Variants in ANKHD1 observed in about 807,000 individuals in gnomAD.
ANKHD1 encodes the protein ankyrin repeat and KH domain-containing protein 1.
A neutral mutation model predicts 230.5 loss-of-function variants in ANKHD1; 31 were observed. The observed-to-expected ratio is 0.13, with a 90% CI of 0.10 to 0.18. The LOEUF is 0.18. Among genes scored for constraint, ANKHD1 ranks in the 10% least tolerant of loss-of-function variants. The pLI, the probability that ANKHD1 is intolerant of heterozygous loss-of-function variation, is 1.00. For missense variants in ANKHD1, 2,256 were observed against 3,071.3 expected, an observed-to-expected ratio of 0.73 and a Z score of 6.27; for synonymous variants, 1,074 against 1,117.6, an observed-to-expected ratio of 0.96 and a Z score of 0.78.
intron 7 of ANKHD1, among the ~76,000 whole-genome samples, chr5:140,453,280 A>G (rs1381311891): frequency 6.6e-6 from 1 of 152,220 alleles, no homozygotes; most frequent in Non-Finnish European, 1.5e-5. Context: ...CCAAGTTGGA[A>G]TACACTCTGC....
intron 24 of ANKHD1, among the ~76,000 whole-genome samples, chr5:140,520,118 G>A (rs1321121610): frequency 6.6e-6 from 1 of 151,352 alleles, no homozygotes; most frequent in Non-Finnish European, 1.5e-5. Context: ...AGTGGGCAAA[G>A]GACATGAACA....
In ANKHD1 at chr5:140,498,766, T is replaced by C. The variant is rs1041066342; in HGVS notation, c.3004+1488T>C. Among the ~76,000 whole-genome samples, 7 of 152,280 alleles carry C rather than the reference T, an allele frequency of 4.6e-5. No individual in the cohort carries two copies. In the East Asian group the frequency reaches 1.3e-3, roughly 29 times the overall value. ...GGAATAACATTTTTAACATGTAGTG[T>C]TCTGTAACTAGCATTATAATGTTCC... On this transcript the variant is annotated intron_variant, in intron 15 of 33. Transcript: ENST00000360839.
At chr5:140,437,461 G>A (rs936938004) in intron 2 of ANKHD1, among the ~76,000 whole-genome samples, 1 of 152,200 alleles carries the variant, frequency 6.6e-6, no homozygotes, top group Non-Finnish European at 1.5e-5. Flanking sequence ...CCAGCACTTC[G>A]GGAGGCCGAG....
Position 140,509,754 on chromosome 5 carries a change from G to C in ANKHD1, c.3883G>C (p.Ala1295Pro). 6.2e-7 allele frequency: 1 copy of C among 1,612,804 alleles called. No individual in the cohort carries two copies. The highest frequency in any genetic ancestry group is 8.5e-7 in the Non-Finnish European group (1 of 1,179,762). Residue 1295 changes from alanine to proline, a missense_variant, in exon 21 of 34, where the codon GCT becomes CCT. By Grantham distance (27) the Ala-to-Pro change is conservative (BLOSUM62 -1). This residue lies in a region of ANKHD1 where 195 missense variants were observed against 340.3 expected (regional missense o/e 0.57). Coordinates refer to ENST00000360839, the MANE Select transcript of ANKHD1 (RefSeq NM_017747.3). Reference protein sequence around the residue: ...APPVPSSRDTALTIAADKGHY... With the variant: ...APPVPSSRDTPLTIAADKGHY... ...CCCTGTGCCTTCCTCAAGAGATACTGCTTTAACAATAGCAGCAGACAAAGG... is the reference window on the plus strand; with the variant it reads ...CCCTGTGCCTTCCTCAAGAGATACTCCTTTAACAATAGCAGCAGACAAAGG...
At chr5:140,520,477 C>T (rs1021896418) in intron 24 of ANKHD1, among the ~76,000 whole-genome samples, 8 of 151,976 alleles carry the variant, frequency 5.3e-5, no homozygotes, top group South Asian at 2.1e-4. Flanking sequence ...GACACATGCA[C>T]ACGTATGTTT....
At position 140,537,606 on chromosome 5, in the gene ANKHD1, C is replaced by A. The variant is rs115510319; in HGVS notation, c.7228+17C>A. On this transcript the variant is annotated intron_variant, in intron 31 of 33. Coordinates refer to ENST00000360839, the MANE Select transcript of ANKHD1 (RefSeq NM_017747.3). ...CTGTGTCAGGTACAATTGCCTTGCTCTCTCTCTGGAGGGATATCTTAAGTA... is the reference window on the plus strand; with the variant it reads ...CTGTGTCAGGTACAATTGCCTTGCTATCTCTCTGGAGGGATATCTTAAGTA... 184 of 1,542,052 alleles carry A rather than the reference C, an allele frequency of 1.2e-4. No individual in the cohort carries two copies. The African/African-American group carries it at 2.4e-3, about 20-fold the overall frequency.
In ANKHD1 at chr5:140,538,957, C is replaced by G. The variant is rs751428092; in HGVS notation, c.7443C>G (p.Pro2481=). 3.1e-6 allele frequency: 5 copies of G among 1,607,928 alleles called. No homozygotes were observed. The Admixed American group carries it at 8.5e-5, about 27-fold the overall frequency. ...CCATGTATGGAGGCACCATAATACC[C>G]TCTCATCCTCAGCTTGCTGATGTTC... The part of the protein sequence containing the change: ...PISMYGGTII[P]SHPQLADVPG... Residue 2481 remains proline (P), a synonymous_variant, in exon 33 of 34, where the codon CCC becomes CCG. Coordinates refer to ENST00000360839, the MANE Select transcript of ANKHD1 (RefSeq NM_017747.3).
chr5:140,509,191 G>A (rs80348356), intron 20 of ANKHD1, among the ~76,000 whole-genome samples: 3,195 of 152,210 alleles, frequency 0.021, 118 homozygotes, highest in African/African-American at 0.073. Context: ...ATCCATTAAA[G>A]GTCCTAGAGA....
intron 10 of ANKHD1, among the ~76,000 whole-genome samples, chr5:140,475,557 C>G (rs1750914161): frequency 6.6e-6 from 1 of 150,506 alleles, no homozygotes; most frequent in South Asian, 2.1e-4. Flanking sequence ...CAAAACAAAA[C>G]AAACCCAAAA....
At position 140,402,012 on chromosome 5, in the gene ANKHD1, C is replaced by T. The variant is rs1313872126; in HGVS notation, c.45C>T (p.Asp15=). Residue 15 remains aspartate (D), a synonymous_variant, in exon 1 of 34, where the codon GAC becomes GAT. Transcript: ENST00000360839. ...SGGGGTSFEE[D]LDSVAPRSAP... ...GCGGCGGCACCTCCTTTGAGGAGGA[C>T]CTGGACTCTGTGGCTCCGCGATCCG... 6.5e-7 allele frequency: 1 copy of T among 1,527,002 alleles called. No individual in the cohort carries two copies. Among genetic ancestry groups the T allele is most frequent in the Non-Finnish European group, 8.7e-7 (1 of 1,144,398 alleles). The allele number at this position is 1,527,002 out of a possible 1,614,324, so 94.6% of individuals were successfully genotyped here. A position where few individuals can be genotyped will look rare whatever the true frequency, so the allele number is the denominator to read the frequency against.
intron 24 of ANKHD1, among the ~76,000 whole-genome samples, chr5:140,516,192 A>T (rs953420400): frequency 1.5e-4 from 23 of 152,232 alleles, no homozygotes; most frequent in African/African-American, 5.5e-4. Context: ...AAGAAAGGGT[A>T]TCAGCGATGG....
At chr5:140,498,655 T>G (rs1247377836) in intron 15 of ANKHD1, among the ~76,000 whole-genome samples, 2 of 152,206 alleles carry the variant, frequency 1.3e-5, no homozygotes, top group Non-Finnish European at 2.9e-5. Flanking sequence ...TGTAGTTCAT[T>G]TGGAATTCTA....
At chr5:140,436,931 A>G (rs889417069) in intron 2 of ANKHD1, among the ~76,000 whole-genome samples, 3 of 152,174 alleles carry the variant, frequency 2.0e-5, no homozygotes, top group Non-Finnish European at 4.4e-5. Flanking sequence ...TTGATTTTAA[A>G]TAGCTAATTT....
chr5:140,523,212 A>G (rs1238490313), intron 24 of ANKHD1, among the ~76,000 whole-genome samples: 4 of 148,762 alleles, frequency 2.7e-5, no homozygotes, highest in Non-Finnish European at 5.9e-5. Flanking sequence ...TCCTGGGCAC[A>G]TGCAATCCTC....
intron 1 of ANKHD1, among the ~76,000 whole-genome samples, chr5:140,419,858 CTT>C (rs145225172): frequency 0.016 from 1,691 of 102,770 alleles, 50 homozygotes; most frequent in African/African-American, 0.06. Context: ...TTCTTTTTTT[CTT>C]TCTTTTCTTT....
Position 140,508,011 on chromosome 5 carries a change from T to C in ANKHD1, c.3765+13T>C, listed in dbSNP as rs181886943. ...ACATAGGGCAAAGGTAAGCATTTTTTACTTGTCAACTATTTCAGATACATT... is the reference window on the plus strand; with the variant it reads ...ACATAGGGCAAAGGTAAGCATTTTTCACTTGTCAACTATTTCAGATACATT... On this transcript the variant is annotated intron_variant, in intron 20 of 33. Transcript: ENST00000360839. The C allele has an allele frequency of 3.8e-5, 61 of 1,602,244 alleles. No homozygotes were observed. Among genetic ancestry groups the C allele is most frequent in the Admixed American group, 1.5e-4 (9 of 59,104 alleles).
chr5:140,504,777 T>TA, intron 15 of ANKHD1, 44 bp from the exon 16 acceptor site: 1 of 1,595,056 alleles, frequency 6.3e-7, no homozygotes. Flanking sequence ...CAAATAACCT[T>TA]ACTCTTTTAA....
chr5:140,513,806 CAAAA>C (rs35403532), intron 24 of ANKHD1, among the ~76,000 whole-genome samples: 1 of 118,212 alleles, frequency 8.5e-6, no homozygotes. Context: ...GAGACTGTCT[CAAAA>C]AAAAAAAAAA....
intron 1 of ANKHD1, among the ~76,000 whole-genome samples, chr5:140,435,103 A>G (rs1025786064): frequency 2.6e-5 from 4 of 152,198 alleles, no homozygotes; most frequent in Non-Finnish European, 5.9e-5. Context: ...CGTAGGCCCA[A>G]CGTATAGCAC....
Sources: gnomAD v4.1 joint callset for allele counts (sites outside exome capture counted in the v4.1 genomes callset) on GRCh38, gnomAD v4.1.1 for gene constraint, gnomAD v4.1.1 regional missense constraint, MANE v1.5 for transcripts, NCBI Gene and HGNC (gene_info 2026-07-23, HGNC 2026-07-21) for gene names.